The following PPARGC1A variants were observed in gnomAD, a reference collection of about 807,000 sequenced individuals.
PPARGC1A encodes the protein PPARG coactivator 1 alpha.
In PPARGC1A, 25 loss-of-function variants were observed where a neutral mutation model predicts 88.7. The ratio of observed to expected loss-of-function variants is 0.28; its 90% confidence interval spans 0.21 to 0.39. The LOEUF (loss-of-function observed/expected upper bound fraction) is 0.39, where lower values mean the gene tolerates loss of function less well. Ranked by LOEUF, PPARGC1A falls within the 10% of genes least tolerant of loss-of-function variation. The probability of loss-of-function intolerance (pLI) is 1.00; values close to 1 mark genes in which losing one functional copy is unlikely to be tolerated. For missense variants in PPARGC1A, 880 were observed against 968.7 expected (o/e 0.91, Z 1.22); for synonymous variants, 363 against 355.6 (o/e 1.02, Z -0.24).
Position 23,795,294 on chromosome 4 carries a change from TATATATATATA to T in PPARGC1A, c.*517_*527del, listed in dbSNP as rs1560303417. 415 of 1,824 alleles carry T rather than the reference TATATATATATA, an allele frequency of 0.23. 2 individuals are homozygous for T. Among genetic ancestry groups the T allele is most frequent in the African/African-American group, 0.36 (385 of 1,082 alleles). The allele number at this position is 1,824 out of a possible 1,614,324, so 0.1% of individuals were successfully genotyped here. ...TTAGTTTTCTTTCCTTTTTAATTTA[TATATATATATA>T]TATATATATATATATATATATATAT... On this transcript the variant is annotated 3_prime_UTR_variant, in exon 13 of 13. Coordinates refer to ENST00000264867, the MANE Select transcript of PPARGC1A (RefSeq NM_013261.5).
chr4:24,376,057 T>C, the PPARGC1A span, among the ~76,000 whole-genome samples: 1 of 151,960 alleles, frequency 6.6e-6, no homozygotes, highest in Non-Finnish European at 1.5e-5. Context: ...TTTTATTTCC[T>C]GTCATGCCTT....
chr4:24,330,838 C>T, the PPARGC1A span, among the ~76,000 whole-genome samples: 3 of 152,122 alleles, frequency 2.0e-5, no homozygotes, highest in Non-Finnish European at 4.4e-5. Context: ...CCACACCACT[C>T]TTTGGCAGGC....
At chr4:24,443,665 C>T in the PPARGC1A span, among the ~76,000 whole-genome samples, 1 of 152,050 alleles carries the variant, frequency 6.6e-6, no homozygotes, top group Non-Finnish European at 1.5e-5. Context: ...AAGTGATTCT[C>T]CTGCCTCAGC....
intron 7 of PPARGC1A, among the ~76,000 whole-genome samples, chr4:23,820,157 ACTG>A (rs1722731697): frequency 6.6e-6 from 1 of 152,168 alleles, no homozygotes; most frequent in Non-Finnish European, 1.5e-5. Flanking sequence ...ACTTTGAATG[ACTG>A]CTGATTAAAG....
At chr4:24,217,082 A>G in the PPARGC1A span, among the ~76,000 whole-genome samples, 53 of 152,316 alleles carry the variant, frequency 3.5e-4, no homozygotes, top group Middle Eastern at 6.8e-3. Context: ...GAATACATGC[A>G]TGTGTTGAGT....
chr4:24,329,685 G>A, the PPARGC1A span, among the ~76,000 whole-genome samples: 11 of 152,198 alleles, frequency 7.2e-5, no homozygotes, highest in Non-Finnish European at 1.0e-4. Flanking sequence ...TAGCACAAGC[G>A]TGAATAATTA....
At chr4:24,022,055 T>C in the PPARGC1A span, among the ~76,000 whole-genome samples, 4 of 151,988 alleles carry the variant, frequency 2.6e-5, no homozygotes, top group African/African-American at 9.7e-5. Flanking sequence ...AAGACAGTGG[T>C]GTGAGAAGGT....
chr4:24,036,200 T>C, the PPARGC1A span, among the ~76,000 whole-genome samples: 3 of 152,182 alleles, frequency 2.0e-5, no homozygotes, highest in African/African-American at 4.8e-5. Context: ...AATACTACCA[T>C]ATATTCATCT....
chr4:24,375,903 A>C, the PPARGC1A span, among the ~76,000 whole-genome samples: 1 of 152,124 alleles, frequency 6.6e-6, no homozygotes, highest in African/African-American at 2.4e-5. Flanking sequence ...TCCAAGGGTG[A>C]AGAGGAAAGG....
chr4:24,008,433 A>G, the PPARGC1A span, among the ~76,000 whole-genome samples: 1 of 152,126 alleles, frequency 6.6e-6, no homozygotes, highest in African/African-American at 2.4e-5. Context: ...TTGTACATCT[A>G]CCCTGTGAAT....
chr4:24,206,612 A>G, the PPARGC1A span, among the ~76,000 whole-genome samples: 4 of 152,088 alleles, frequency 2.6e-5, no homozygotes, highest in Admixed American at 2.6e-4. Context: ...CAGGTTGATC[A>G]CTTGAGGCCA....
At chr4:24,466,206 C>A in the PPARGC1A span, among the ~76,000 whole-genome samples, 7 of 152,192 alleles carry the variant, frequency 4.6e-5, no homozygotes, top group Non-Finnish European at 1.0e-4. Context: ...CCAAAAGAGA[C>A]AACTTCACCT....
chr4:24,269,264 T>C, the PPARGC1A span, among the ~76,000 whole-genome samples: 1 of 142,420 alleles, frequency 7.0e-6, no homozygotes, highest in African/African-American at 2.6e-5. Flanking sequence ...AATGTATTGA[T>C]AAAATGGAGA....
At chr4:24,037,045 T>A in the PPARGC1A span, among the ~76,000 whole-genome samples, 1 of 152,184 alleles carries the variant, frequency 6.6e-6, no homozygotes, top group Admixed American at 6.5e-5. Flanking sequence ...TCAAATAAAG[T>A]TCCCATCCTG....
chr4:23,834,495 A>G (rs977067695), intron 2 of PPARGC1A, among the ~76,000 whole-genome samples: 2 of 152,018 alleles, frequency 1.3e-5, no homozygotes, highest in Non-Finnish European at 2.9e-5. Flanking sequence ...TCTCAAAAAA[A>G]AAAAACAACC....
chr4:24,083,607 C>T, the PPARGC1A span, among the ~76,000 whole-genome samples: 1 of 152,118 alleles, frequency 6.6e-6, no homozygotes, highest in South Asian at 2.1e-4. Flanking sequence ...AGACGTCATT[C>T]CAAGGTCTCT....
the PPARGC1A span, among the ~76,000 whole-genome samples, chr4:24,375,013 T>TA: frequency 3.6e-3 from 461 of 127,414 alleles, 8 homozygotes; most frequent in East Asian, 9.1e-3. Context: ...CCCCCCACCC[T>TA]AAAAAAAAAA....
the PPARGC1A span, among the ~76,000 whole-genome samples, chr4:24,177,134 T>C: frequency 5.3e-5 from 8 of 152,152 alleles, no homozygotes; most frequent in Non-Finnish European, 1.0e-4. Context: ...CCCAAAGGAT[T>C]ATAAATCATG....
the PPARGC1A span, among the ~76,000 whole-genome samples, chr4:24,285,069 A>G: frequency 1.8e-4 from 27 of 152,242 alleles, no homozygotes; most frequent in African/African-American, 6.3e-4. Flanking sequence ...AAAATCATGC[A>G]GTGAGGCAAA....
Sources: allele counts gnomAD v4.1 joint callset (sites outside exome capture counted in the v4.1 genomes callset), GRCh38; gene constraint gnomAD v4.1.1; transcripts MANE v1.5; gene names NCBI Gene and HGNC (gene_info 2026-07-23, HGNC 2026-07-21).